Variants in SUSD1 observed in about 807,000 individuals in gnomAD.
The protein encoded by SUSD1 is sushi domain containing 1.
SUSD1 carries 65 observed loss-of-function variants against 86.9 expected under a neutral mutation model. That is an observed-to-expected ratio of 0.75 (90% CI 0.61 to 0.92). The LOEUF (loss-of-function observed/expected upper bound fraction) is 0.92, where lower values mean the gene tolerates loss of function less well. Ranked by LOEUF, SUSD1 falls within the 40% of genes least tolerant of loss-of-function variation. The probability of loss-of-function intolerance (pLI) is 0.00; values close to 1 mark genes in which losing one functional copy is unlikely to be tolerated. For missense variants in SUSD1, 850 were observed against 929.7 expected (o/e 0.91, Z 1.11); for synonymous variants, 346 against 350.0 (o/e 0.99, Z 0.13).
At chr9:112,079,590 C>T (rs1293722322) in intron 11 of SUSD1, among the ~76,000 whole-genome samples, 1 of 149,746 alleles carries the variant, frequency 6.7e-6, no homozygotes, top group African/African-American at 2.5e-5. Context: ...AAGTTCATCC[C>T]AGTCTTCCCC....
At chr9:112,112,537 G>T (rs149858511) in intron 7 of SUSD1, among the ~76,000 whole-genome samples, 3 of 152,228 alleles carry the variant, frequency 2.0e-5, no homozygotes, top group African/African-American at 7.2e-5. Flanking sequence ...TCAGGAGGCT[G>T]AGGCAGGAGA....
chr9:112,052,293 G>C, intron 15 of SUSD1, 106 bp downstream of exon 15: 7 of 1,599,078 alleles, frequency 4.4e-6, no homozygotes, highest in Non-Finnish European at 6.0e-6. Context: ...AGTATGAATT[G>C]GGTTCTGGTC....
At chr9:112,135,541 GC>G (rs1225299768) in intron 5 of SUSD1, among the ~76,000 whole-genome samples, 10 of 152,162 alleles carry the variant, frequency 6.6e-5, no homozygotes, top group African/African-American at 1.4e-4. Context: ...GTTTGTTGAT[GC>G]TTTGAGCTGC....
At chr9:112,149,094 C>G (rs1832932169) in intron 3 of SUSD1, 150 bp downstream of exon 3, 8 of 1,112,334 alleles carry the variant, frequency 7.2e-6, no homozygotes, top group African/African-American at 1.6e-5. Context: ...CAGCATGCAT[C>G]TCCCAAAATA....
At chr9:112,043,329 A>T (rs939605700) in intron 15 of SUSD1, among the ~76,000 whole-genome samples, 1 of 152,190 alleles carries the variant, frequency 6.6e-6, no homozygotes, top group Non-Finnish European at 1.5e-5. Flanking sequence ...ATCGGCTGGC[A>T]TCACCCAGAT....
rs751684714 is a variant in SUSD1 at position 112,102,281 on chromosome 9, AACTTCTAAAAGACAAG to A, written c.1172-12_1175del. 2 of 1,536,384 alleles carry A rather than the reference AACTTCTAAAAGACAAG, an allele frequency of 1.3e-6. No homozygotes were observed. The highest frequency in any genetic ancestry group is 3.7e-5 in the Admixed American group (2 of 54,100). On this transcript the variant is annotated splice_acceptor_variant and splice_polypyrimidine_tract_variant and coding_sequence_variant and intron_variant, in exon 9 of 17. Coordinates refer to ENST00000374270, the MANE Select transcript of SUSD1 (RefSeq NM_022486.5). LOFTEE classifies it high-confidence loss of function. The stretch of plus-strand genomic sequence containing the variant: ...AACTTCCATCATCTTCTAAGAGATC[AACTTCTAAAAGACAAG>A]AGAGAGAGTTATAGACAGCTTGCAC...
rs1169340673 is a variant in SUSD1, at chr9:112,058,603, T to C, written c.1934A>G (p.Asn645Ser). ...CACGTATCCATCAGCATCAGAGGCG[T>C]TGCTAAAGAAGGAGGAAGCGCCTTC... ...DSEGASSFFS[N>S]ASDADGYVAA... The change falls in exon 14 of 17, where the codon AAC becomes AGC. Residue 645 changes from asparagine (N) to serine (S), a missense_variant. By Grantham distance (46) the Asn-to-Ser change is conservative. Coordinates refer to ENST00000374270, the MANE Select transcript of SUSD1 (RefSeq NM_022486.5). 7.4e-6 allele frequency: 12 copies of C among 1,614,108 alleles called. No individual in the cohort carries two copies. The South Asian group carries it at 1.2e-4, about 16-fold the overall frequency.
chr9:112,044,330 T>C (rs1033997985), intron 15 of SUSD1, among the ~76,000 whole-genome samples: 1 of 152,228 alleles, frequency 6.6e-6, no homozygotes, highest in Non-Finnish European at 1.5e-5. Context: ...ACACCACCAC[T>C]GCCTGTGTGA....
intron 5 of SUSD1, among the ~76,000 whole-genome samples, chr9:112,136,930 A>G (rs1832292239): frequency 6.6e-6 from 1 of 152,166 alleles, no homozygotes; most frequent in Non-Finnish European, 1.5e-5. Context: ...ATGAACGTGC[A>G]TGTTTGTCTT....
In SUSD1 at chr9:112,112,759, C is replaced by T; in HGVS notation, c.984+12G>A. 1 of 1,585,922 alleles carries T rather than the reference C, an allele frequency of 6.3e-7. No homozygotes were observed. The highest frequency in any genetic ancestry group is 8.7e-7 in the Non-Finnish European group (1 of 1,154,566). ...TCTGTCCTAGCAGGAAAAAGTAGAT[C>T]ACTTTACTTACCACATATGAGATCT... On this transcript the variant is annotated intron_variant, in intron 7 of 16. Transcript: ENST00000374270.
intron 2 of SUSD1, among the ~76,000 whole-genome samples, chr9:112,156,006 A>G (rs979120399): frequency 1.3e-5 from 2 of 151,446 alleles, no homozygotes; most frequent in East Asian, 1.9e-4. Flanking sequence ...GAAAGAAAGA[A>G]AGAGAGAGAA....
intron 2 of SUSD1, among the ~76,000 whole-genome samples, chr9:112,152,152 G>A (rs1358835438): frequency 1.7e-4 from 24 of 142,446 alleles, no homozygotes; most frequent in African/African-American, 5.8e-4. Flanking sequence ...GCAGTGAGCC[G>A]AGATCGCGCC....
chr9:112,054,889 G>A (rs1395326500), intron 14 of SUSD1, among the ~76,000 whole-genome samples: 1 of 152,136 alleles, frequency 6.6e-6, no homozygotes, highest in Admixed American at 6.5e-5. Context: ...TATAGTAAAA[G>A]TGCAACCCAC....
At chr9:112,147,147 AAC>A (rs1564338719) in intron 3 of SUSD1, among the ~76,000 whole-genome samples, 1 of 152,282 alleles carries the variant, frequency 6.6e-6, no homozygotes, top group East Asian at 1.9e-4. Context: ...ACCTATGACT[AAC>A]ACTTTATACT....
intron 5 of SUSD1, among the ~76,000 whole-genome samples, chr9:112,141,688 A>C (rs914820642): frequency 1.1e-4 from 16 of 147,032 alleles, no homozygotes; most frequent in Non-Finnish European, 2.4e-4. Flanking sequence ...AAAACTATAT[A>C]TATATATAAA....
intron 6 of SUSD1, among the ~76,000 whole-genome samples, chr9:112,121,398 A>G (rs2131678563): frequency 6.6e-6 from 1 of 152,266 alleles, no homozygotes; most frequent in Admixed American, 6.5e-5. Context: ...ACACCTTGCT[A>G]CTTGTAAAAC....
At chr9:112,068,756 A>G (rs1349013580) in intron 12 of SUSD1, among the ~76,000 whole-genome samples, 2 of 152,086 alleles carry the variant, frequency 1.3e-5, no homozygotes, top group African/African-American at 4.8e-5. Flanking sequence ...TACAACTTAG[A>G]GAGCTGATCA....
intron 13 of SUSD1, among the ~76,000 whole-genome samples, chr9:112,062,567 C>T (rs4979081): frequency 0.12 from 17,663 of 151,958 alleles, 1,168 homozygotes; most frequent in South Asian, 0.18. Flanking sequence ...TGGTGGTGCA[C>T]ACCTATAATC....
At chr9:112,170,710 T>TAGAGAGAGAG (rs1554778939) in intron 1 of SUSD1, among the ~76,000 whole-genome samples, 41 of 113,824 alleles carry the variant, frequency 3.6e-4, no homozygotes, top group African/African-American at 9.9e-4. Flanking sequence ...TATATATATA[T>TAGAGAGAGAG]AGAGAGAGAG....
Sources: gnomAD v4.1 joint callset for allele counts (sites outside exome capture counted in the v4.1 genomes callset) on GRCh38, gnomAD v4.1.1 for gene constraint, MANE v1.5 for transcripts, NCBI Gene and HGNC (gene_info 2026-07-23, HGNC 2026-07-21) for gene names.